PTGIS: variants seen among roughly 807,000 people sequenced by gnomAD.
PTGIS encodes the protein prostacyclin synthase.
A neutral mutation model predicts 50.3 loss-of-function variants in PTGIS; 45 were observed. The ratio of observed to expected loss-of-function variants is 0.90; its 90% CI spans 0.70 to 1.15. The LOEUF (loss-of-function observed/expected upper bound fraction) is 1.15, where lower values mean the gene tolerates loss of function less well. PTGIS is among the 50% of genes most tolerant of loss of function. The pLI is 0.00. For synonymous variants in PTGIS, 260 were observed against 267.7 expected, an observed-to-expected ratio of 0.97 and a Z score of 0.28; for missense variants, 668 against 661.3, an observed-to-expected ratio of 1.01 and a Z score of -0.11.
intron 6 of PTGIS, among the ~76,000 whole-genome samples, chr20:49,519,914 CT>C (rs1017930252): frequency 1.4e-5 from 2 of 143,492 alleles, no homozygotes; most frequent in African/African-American, 5.6e-5. Flanking sequence ...GCAGCACCCT[CT>C]CTTGTCTGGA....
At chr20:49,565,464 G>A (rs1379720070) in intron 1 of PTGIS, among the ~76,000 whole-genome samples, 2 of 151,938 alleles carry the variant, frequency 1.3e-5, no homozygotes, top group African/African-American at 2.4e-5. Flanking sequence ...AGCTGAGTTT[G>A]AGACCATCCT....
intron 6 of PTGIS, among the ~76,000 whole-genome samples, chr20:49,518,739 A>G (rs144332344): frequency 0.01 from 1,553 of 152,150 alleles, 9 homozygotes; most frequent in Non-Finnish European, 0.016. Flanking sequence ...TTGAGGTCAC[A>G]TAACTAGTTT....
At chr20:49,537,855 T>C (rs1982119891) in intron 5 of PTGIS, among the ~76,000 whole-genome samples, 1 of 152,186 alleles carries the variant, frequency 6.6e-6, no homozygotes, top group Non-Finnish European at 1.5e-5. Flanking sequence ...CAACAACCTC[T>C]TCCTAACAGC....
chr20:49,533,871 G>T (rs1268874792), intron 5 of PTGIS, among the ~76,000 whole-genome samples: 2 of 152,156 alleles, frequency 1.3e-5, no homozygotes, highest in African/African-American at 4.8e-5. Flanking sequence ...TGAGGCAGGA[G>T]AATTGCTTGA....
In PTGIS at chr20:49,504,141, T is replaced by C. The variant is rs1357235116; in HGVS notation, c.*3779A>G. 6 of 152,186 alleles carry C rather than the reference T, an allele frequency of 3.9e-5. No individual in the cohort carries two copies. The highest frequency in any genetic ancestry group is 3.9e-4 in the Admixed American group (6 of 15,280). 9.4% of individuals were successfully genotyped at this position (152,186 alleles called of 1,614,324 possible). A position where few individuals can be genotyped will look rare whatever the true frequency, so the allele number is the denominator to read the frequency against. On this transcript the variant is annotated 3_prime_UTR_variant, in exon 10 of 10. Transcript: ENST00000244043. ...CACTGGTGGGAGGAGATGGCCCTGGTCGCCCATGGGATGAGAAACTTACTC... is the reference window on the plus strand; with the variant it reads ...CACTGGTGGGAGGAGATGGCCCTGGCCGCCCATGGGATGAGAAACTTACTC...
intron 4 of PTGIS, among the ~76,000 whole-genome samples, chr20:49,543,569 T>C (rs1225897205): frequency 2.0e-5 from 3 of 152,184 alleles, no homozygotes; most frequent in Non-Finnish European, 2.9e-5. Context: ...GTAGCCACAC[T>C]GGCCGTCTCT....
intron 1 of PTGIS, among the ~76,000 whole-genome samples, chr20:49,564,021 A>T (rs1399752821): frequency 6.6e-6 from 1 of 152,190 alleles, no homozygotes; most frequent in African/African-American, 2.4e-5. Flanking sequence ...TCACAAGGCA[A>T]ATCAATTAGT....
At chr20:49,508,129 G>T (rs1981205920) in intron 9 of PTGIS, 65 bp from the exon 10 acceptor site, 1 of 1,585,818 alleles carries the variant, frequency 6.3e-7, no homozygotes. Context: ...CGGGAACAAG[G>T]CAGGGGAGCC....
chr20:49,529,262 C>G (rs1883676423), intron 5 of PTGIS, among the ~76,000 whole-genome samples: 1 of 152,018 alleles, frequency 6.6e-6, no homozygotes, highest in African/African-American at 2.4e-5. Flanking sequence ...ACCAACACAC[C>G]CCCATTTCCC....
intron 6 of PTGIS, among the ~76,000 whole-genome samples, chr20:49,518,752 T>C (rs1981564940): frequency 6.6e-6 from 1 of 152,192 alleles, no homozygotes; most frequent in Non-Finnish European, 1.5e-5. Flanking sequence ...ACTAGTTTAG[T>C]GGCAGAGGTG....
intron 1 of PTGIS, among the ~76,000 whole-genome samples, chr20:49,566,161 C>T (rs1982891659): frequency 6.6e-6 from 1 of 152,064 alleles, no homozygotes; most frequent in South Asian, 2.1e-4. Flanking sequence ...ACCCAGGAGG[C>T]AGAGGTTGCG....
At chr20:49,541,489 T>C (rs1434483943) in intron 4 of PTGIS, among the ~76,000 whole-genome samples, 1 of 152,218 alleles carries the variant, frequency 6.6e-6, no homozygotes, top group East Asian at 1.9e-4. Flanking sequence ...CCTAGCACTT[T>C]GGGATGCCGA....
intron 1 of PTGIS, among the ~76,000 whole-genome samples, chr20:49,556,216 C>A (rs1434777560): frequency 6.6e-6 from 1 of 152,092 alleles, no homozygotes; most frequent in Non-Finnish European, 1.5e-5. Flanking sequence ...TAATTTATGG[C>A]AATGTAGTTA....
chr20:49,514,550 A>T (rs1201608779), intron 6 of PTGIS, among the ~76,000 whole-genome samples, 155 bp from the exon 7 acceptor site: 1 of 152,224 alleles, frequency 6.6e-6, no homozygotes, highest in Non-Finnish European at 1.5e-5. Flanking sequence ...CTCCAGCCTC[A>T]GGACATGGCC....
intron 1 of PTGIS, among the ~76,000 whole-genome samples, chr20:49,555,626 A>G (rs1341920297): frequency 1.3e-5 from 2 of 152,238 alleles, no homozygotes; most frequent in African/African-American, 2.4e-5. Context: ...CCAAAATTGT[A>G]TGAGATTCCT....
At chr20:49,524,407 C>T (rs1035717715) in intron 5 of PTGIS, among the ~76,000 whole-genome samples, 168 bp from the exon 6 acceptor site, 1 of 152,114 alleles carries the variant, frequency 6.6e-6, no homozygotes, top group East Asian at 1.9e-4. Context: ...GCAGGAAGCC[C>T]TTTCAATACC....
rs770358992 is a variant in PTGIS at position 49,511,152 on chromosome 20, G to C, written c.1234C>G (p.Pro412Ala). The C allele has an allele frequency of 5.6e-6, 9 of 1,614,136 alleles. No homozygotes were observed. The highest frequency in any genetic ancestry group is 7.6e-6 in the Non-Finnish European group (9 of 1,180,046). Residue 412 changes from proline (P) to alanine (A), a missense_variant, in exon 9 of 10, where the codon CCT (proline) becomes GCT (alanine). Coordinates refer to ENST00000244043, the MANE Select transcript of PTGIS (RefSeq NM_000961.4). Reference protein sequence around the residue: ...EVFKYNRFLNPDGSEKKDFYK... With the variant: ...EVFKYNRFLNADGSEKKDFYK... ...AAGTCTTTCTTCTCTGATCCGTCAG[G>C]GTTCAGGAATCGGTTGTATTTAAAT... is the stretch of plus-strand genomic sequence containing the variant.
At position 49,539,552 on chromosome 20, in the gene PTGIS, G is replaced by A. The variant is rs772827195; in HGVS notation, c.673+18C>T. The A allele has an allele frequency of 6.2e-7, 1 of 1,611,596 alleles. No individual in the cohort carries two copies. The highest frequency in any genetic ancestry group is 8.5e-7 in the Non-Finnish European group (1 of 1,178,776). On this transcript the variant is annotated intron_variant, in intron 5 of 9. Transcript: ENST00000244043. ...TTCCATCCTCCCCCCCACCCACTGGGGCCCCCATGGTGCTTACCCACTGAC... is the reference window on the plus strand; with the variant it reads ...TTCCATCCTCCCCCCCACCCACTGGAGCCCCCATGGTGCTTACCCACTGAC...
At chr20:49,557,088 C>A (rs1908112351) in intron 1 of PTGIS, among the ~76,000 whole-genome samples, 1 of 151,978 alleles carries the variant, frequency 6.6e-6, no homozygotes, top group African/African-American at 2.4e-5. Flanking sequence ...TTTTGTTTAT[C>A]TGCTTACTTC....
Sources: allele counts gnomAD v4.1 joint callset (sites outside exome capture counted in the v4.1 genomes callset), GRCh38; gene constraint gnomAD v4.1.1; transcripts MANE v1.5; gene names NCBI Gene and HGNC (gene_info 2026-07-23, HGNC 2026-07-21).